Variants in UNC13A observed in about 807,000 individuals in gnomAD.
UNC13A encodes unc-13 homolog A.
A neutral mutation model predicts 219.7 loss-of-function variants in UNC13A; 61 were observed. The observed-to-expected ratio is 0.28, with a 90% CI of 0.23 to 0.34. UNC13A has a LOEUF of 0.34. Among genes scored for constraint, UNC13A ranks in the 10% least tolerant of loss-of-function variants. UNC13A has a pLI of 1.00. For missense variants in UNC13A, 1,476 were observed against 2,270.3 expected, an observed-to-expected ratio of 0.65 and a Z score of 7.11; for synonymous variants, 920 against 884.6, an observed-to-expected ratio of 1.04 and a Z score of -0.71.
intron 1 of UNC13A, among the ~76,000 whole-genome samples, chr19:17,686,048 TCA>T (rs2145940220): frequency 7.1e-6 from 1 of 141,504 alleles, no homozygotes; most frequent in South Asian, 2.3e-4. Context: ...CACTCCAACC[TCA>T]CACCTCCCTT....
intron 5 of UNC13A, among the ~76,000 whole-genome samples, 169 bp downstream of exon 5, chr19:17,669,384 C>G (rs2079733542): frequency 6.6e-6 from 1 of 152,138 alleles, no homozygotes; most frequent in South Asian, 2.1e-4. Context: ...GGTTCACATC[C>G]CTGTTCTCTG....
Position 17,649,482 on chromosome 19 carries a change from C to G in UNC13A, c.1518+27G>C. The stretch of plus-strand genomic sequence containing the variant: ...CTGCTTATAGCAGGCCTGCTCTGCT[C>G]AGGGAGTAAAGGGCGAGGGTGCTTA... On this transcript the variant is annotated intron_variant, in intron 13 of 43. Coordinates refer to ENST00000519716, the MANE Select transcript of UNC13A (RefSeq NM_001080421.3). The surrounding 1 kb of genome is among the most constrained non-coding windows in gnomAD (Gnocchi z 4.4). 6.2e-7 allele frequency: 1 copy of G among 1,613,940 alleles called. No individual in the cohort carries two copies. The highest frequency in any genetic ancestry group is 2.2e-5 in the East Asian group (1 of 44,870).
At chr19:17,631,846 G>A (rs1227114405) in intron 28 of UNC13A, among the ~76,000 whole-genome samples, 1 of 152,226 alleles carries the variant, frequency 6.6e-6, no homozygotes, top group Non-Finnish European at 1.5e-5. Context: ...CTGAGTTCAA[G>A]CGATCCTCCT....
Position 17,605,177 on chromosome 19 carries a change from G to A in UNC13A, c.*877C>T, listed in dbSNP as rs762934112. The A allele has an allele frequency of 6.5e-6, 1 of 152,730 alleles. No homozygotes were observed. The highest frequency in any genetic ancestry group is 1.5e-5 in the Non-Finnish European group (1 of 68,106). 9.5% of individuals were successfully genotyped at this position (152,730 alleles called of 1,614,324 possible). A position where few individuals can be genotyped will look rare whatever the true frequency, so the allele number is the denominator to read the frequency against. On this transcript the variant is annotated 3_prime_UTR_variant, in exon 44 of 44. Transcript: ENST00000519716. Reference sequence around the variant, plus strand: ...TTAGCAGCAATAGGGAGCTGTGTCAGGTCATCCCGATCTCAGCCCACCCTT... The same window carrying A: ...TTAGCAGCAATAGGGAGCTGTGTCAAGTCATCCCGATCTCAGCCCACCCTT...
Position 17,639,417 on chromosome 19 carries a change from C to T in UNC13A, c.2946+19G>A. ...GAGAACCCTCCTTGGAGAGCAAAGG[C>T]AACTGGATCCTTTCCTACCTTCATC... On this transcript the variant is annotated intron_variant, in intron 24 of 43. Coordinates refer to ENST00000519716, the MANE Select transcript of UNC13A (RefSeq NM_001080421.3). 2.5e-6 allele frequency: 4 copies of T among 1,607,296 alleles called. No individual in the cohort carries two copies. The highest frequency in any genetic ancestry group is 2.5e-6 in the Non-Finnish European group (3 of 1,176,688).
chr19:17,621,340 A>C (rs1391907492), intron 37 of UNC13A, among the ~76,000 whole-genome samples: 2 of 152,158 alleles, frequency 1.3e-5, no homozygotes, highest in Admixed American at 1.3e-4. Flanking sequence ...CACAAAGCTA[A>C]GACTCCATTT....
intron 1 of UNC13A, among the ~76,000 whole-genome samples, chr19:17,682,301 G>A (rs892850307): frequency 2.1e-4 from 32 of 152,118 alleles, no homozygotes; most frequent in African/African-American, 6.5e-4. Flanking sequence ...GGGCCTTCCC[G>A]TAGGCCAGGA....
At chr19:17,620,848 G>A in intron 37 of UNC13A, 126 bp from the exon 38 acceptor site, 1 of 1,088,682 alleles carries the variant, frequency 9.2e-7, no homozygotes, top group Non-Finnish European at 1.4e-6. Flanking sequence ...CAGGTCCTGG[G>A]TCTAATGGTG....
At chr19:17,623,171 A>C in intron 36 of UNC13A, 2 of 258,394 alleles carry the variant, frequency 7.7e-6, no homozygotes, top group Non-Finnish European at 1.5e-5. Context: ...GGTCAGAGGA[A>C]TCCTGGGGTT....
At position 17,641,430 on chromosome 19, in the gene UNC13A, T is replaced by C. The variant is rs750553320; in HGVS notation, c.2599A>G (p.Met867Val). 1.2e-6 allele frequency: 2 copies of C among 1,614,122 alleles called. No individual in the cohort carries two copies. Among genetic ancestry groups the C allele is most frequent in the South Asian group, 2.2e-5 (2 of 91,080 alleles). The change falls in exon 21 of 44, where the codon ATG becomes GTG. Residue 867 changes from methionine to valine, a missense_variant. Around this residue, in one of 14 missense-constraint regions of UNC13A, gnomAD observed 140 missense variants for 270.9 expected, o/e 0.52. Coordinates refer to ENST00000519716, the MANE Select transcript of UNC13A (RefSeq NM_001080421.3). ...TAQEIVDEFA[M>V]RYGVESIYQA... ...TAGATGGACTCGACGCCGTAGCGCA[T>C]GGCAAACTCGTCCACAATCTCCTGG...
At chr19:17,607,412 C>G (rs2076543639) in intron 43 of UNC13A, among the ~76,000 whole-genome samples, 1 of 145,970 alleles carries the variant, frequency 6.9e-6, no homozygotes, top group Non-Finnish European at 1.5e-5. Flanking sequence ...CAGGCATGCA[C>G]CACCACACCG....
chr19:17,632,874 G>C lies in UNC13A; in HGVS notation c.3336C>G (p.Asp1112Glu). ...TCACCTTGAAGTGGAGGTTCATGTA[G>C]TCGGCACTCTTGCATAGACGATGCT... ...HDKHRLCKSADYMNLHFKVKW... is the reference protein window; with the variant it reads ...HDKHRLCKSAEYMNLHFKVKW... Residue 1112 changes from aspartate (D) to glutamate (E), a missense_variant, in exon 28 of 44, where the codon GAC becomes GAG. Physicochemically the swap from Asp to Glu is conservative, Grantham distance 45 (BLOSUM62 2). Transcript: ENST00000519716. 1 of 1,614,014 alleles carries C rather than the reference G, an allele frequency of 6.2e-7. No individual in the cohort carries two copies.
In UNC13A at chr19:17,617,692, G is replaced by T; in HGVS notation, c.4558+10C>A. 1 of 1,612,020 alleles carries T rather than the reference G, an allele frequency of 6.2e-7. No individual in the cohort carries two copies. Among genetic ancestry groups the T allele is most frequent in the Non-Finnish European group, 8.5e-7 (1 of 1,178,220 alleles). On this transcript the variant is annotated intron_variant, in intron 41 of 43. Transcript: ENST00000519716. ...AGCGGGAAAGGGTGATGCGGTCTGG[G>T]TACCCTTACCCTGGGCCGATTGCGT...
intron 1 of UNC13A, chr19:17,676,258 G>C: frequency 1.5e-6 from 1 of 674,458 alleles, no homozygotes; most frequent in South Asian, 1.5e-5. Context: ...GGAGAGGTAG[G>C]AAAGAGGAGG....
chr19:17,673,883 C>T (rs778084842), intron 3 of UNC13A, among the ~76,000 whole-genome samples: 13 of 151,906 alleles, frequency 8.6e-5, no homozygotes, highest in Admixed American at 2.6e-4. Context: ...TGGTGGCACA[C>T]GCTTGTAATC....
chr19:17,672,645 C>G, intron 3 of UNC13A, 150 bp from the exon 4 acceptor site: 2 of 598,222 alleles, frequency 3.3e-6, no homozygotes, highest in Non-Finnish European at 5.7e-6. Context: ...CATGGTGGTT[C>G]TCATTTTATA....
chr19:17,620,664 CCAGA>C (rs2144962842), intron 38 of UNC13A, 25 bp downstream of exon 38: 3 of 1,607,600 alleles, frequency 1.9e-6, no homozygotes, highest in Non-Finnish European at 1.7e-6. Flanking sequence ...GGGATGGGAG[CCAGA>C]CAGACAGTGA....
At chr19:17,611,915 G>A (rs1317060346) in intron 41 of UNC13A, 60 bp from the exon 42 acceptor site, 9 of 1,469,788 alleles carry the variant, frequency 6.1e-6, no homozygotes, top group Non-Finnish European at 7.6e-6. Context: ...CCACCAGGAG[G>A]GACCTTGACG....
At chr19:17,653,433 C>T (rs887633997) in intron 11 of UNC13A, among the ~76,000 whole-genome samples, 3 of 151,908 alleles carry the variant, frequency 2.0e-5, no homozygotes, top group African/African-American at 7.3e-5. Context: ...CTGCAACCTC[C>T]ACCTCCTGGG....
Sources: allele counts gnomAD v4.1 joint callset (sites outside exome capture counted in the v4.1 genomes callset), GRCh38; gene constraint gnomAD v4.1.1; regional missense constraint gnomAD v4.1.1; non-coding constraint Gnocchi (gnomAD v3.1); transcripts MANE v1.5; gene names NCBI Gene and HGNC (gene_info 2026-07-23, HGNC 2026-07-21).